Variants in ANGPT2 observed in about 807,000 individuals in gnomAD.
The protein encoded by ANGPT2 is angiopoietin-2.
In ANGPT2, 28 loss-of-function variants were observed where a neutral mutation model predicts 62.9. That is an observed-to-expected ratio of 0.44 (90% confidence interval 0.33 to 0.61). ANGPT2 has a LOEUF of 0.61. Ranked by LOEUF, ANGPT2 falls within the 20% of genes least tolerant of loss-of-function variation. The pLI is 0.03. For synonymous variants in ANGPT2, 284 were observed against 207.8 expected (o/e 1.37, Z -3.15); for missense variants, 727 against 594.9 (o/e 1.22, Z -2.31).
chr8:6,538,397 G>A (rs1007624922), intron 1 of ANGPT2, among the ~76,000 whole-genome samples: 1 of 152,198 alleles, frequency 6.6e-6, no homozygotes, highest in African/African-American at 2.4e-5. Context: ...CGCTGTCAGA[G>A]TCAGGAATCC....
At chr8:6,529,164 A>T (rs1001400226) in intron 2 of ANGPT2, among the ~76,000 whole-genome samples, 9 of 152,202 alleles carry the variant, frequency 5.9e-5, no homozygotes, top group Non-Finnish European at 1.3e-4. Flanking sequence ...GAGAGCATCA[A>T]ACCGCTGGAC....
intron 1 of ANGPT2, among the ~76,000 whole-genome samples, chr8:6,541,532 A>T (rs1477894230): frequency 1.3e-5 from 2 of 152,196 alleles, no homozygotes; most frequent in Non-Finnish European, 2.9e-5. Flanking sequence ...AGGTTGCAGC[A>T]GCAGAGCGAA....
intron 1 of ANGPT2, among the ~76,000 whole-genome samples, chr8:6,536,295 A>T (rs1586459127): frequency 6.6e-6 from 1 of 152,102 alleles, no homozygotes; most frequent in South Asian, 2.1e-4. Context: ...CTGTGTCGGG[A>T]TCCCAGGCGC....
intron 1 of ANGPT2, among the ~76,000 whole-genome samples, chr8:6,544,127 T>G (rs1196977247): frequency 6.6e-6 from 1 of 152,232 alleles, no homozygotes; most frequent in African/African-American, 2.4e-5. Flanking sequence ...AAACATAACT[T>G]TTATCTTCAT....
In ANGPT2 at chr8:6,505,452, T is replaced by TAA. The variant is rs1563307226; in HGVS notation, c.1328-2192_1328-2191insTT. Among the ~76,000 whole-genome samples the TAA allele has an allele frequency of 1.6e-4, 12 of 74,340 alleles. 1 individual carries two copies. Among genetic ancestry groups the TAA allele is most frequent in the African/African-American group, 5.8e-4 (12 of 20,540 alleles). 48.8% of individuals were successfully genotyped at this position (74,340 alleles called of 152,430 possible). ...AATATATATATTCTTTATATACATA[T>TAA]AGAATATATATATTCTTTACATATA... On this transcript the variant is annotated intron_variant, in intron 8 of 8. Transcript: ENST00000629816.
chr8:6,541,637 G>A (rs964035188), intron 1 of ANGPT2, among the ~76,000 whole-genome samples: 1 of 152,126 alleles, frequency 6.6e-6, no homozygotes, highest in Non-Finnish European at 1.5e-5. Flanking sequence ...TAAATTCTCA[G>A]CTTAGAAGAT....
At chr8:6,515,618 C>A (rs1037094288) in intron 5 of ANGPT2, among the ~76,000 whole-genome samples, 2 of 152,104 alleles carry the variant, frequency 1.3e-5, no homozygotes, top group African/African-American at 2.4e-5. Flanking sequence ...AAATTAAAAA[C>A]CCCTGAAAAT....
chr8:6,524,454 G>A (rs1817960095), intron 3 of ANGPT2, among the ~76,000 whole-genome samples: 1 of 152,206 alleles, frequency 6.6e-6, no homozygotes, highest in Admixed American at 6.5e-5. Flanking sequence ...ACTGCTGTGA[G>A]TTATCTGAAG....
intron 1 of ANGPT2, among the ~76,000 whole-genome samples, chr8:6,535,690 G>C (rs1820357058): frequency 6.6e-6 from 1 of 152,168 alleles, no homozygotes; most frequent in Non-Finnish European, 1.5e-5. Flanking sequence ...ATTAATTGAA[G>C]TCTTTGGGAG....
intron 2 of ANGPT2, among the ~76,000 whole-genome samples, chr8:6,531,695 T>G (rs12674822): frequency 0.5 from 75,342 of 151,982 alleles, 19,862 homozygotes; most frequent in Non-Finnish European, 0.59. Context: ...GCCCAACCCT[T>G]TATATTATTT....
chr8:6,520,061 C>G (rs1586315651), intron 4 of ANGPT2, 70 bp from the exon 5 acceptor site: 2 of 1,557,256 alleles, frequency 1.3e-6, no homozygotes, highest in Non-Finnish European at 1.8e-6. Flanking sequence ...ATTTCAAGAG[C>G]CAATCATTTG....
intron 2 of ANGPT2, among the ~76,000 whole-genome samples, chr8:6,532,124 T>A (rs955260820): frequency 1.3e-5 from 2 of 152,190 alleles, no homozygotes; most frequent in African/African-American, 4.8e-5. Flanking sequence ...CACATGAAAT[T>A]TAACCTCAGT....
At chr8:6,536,766 C>G (rs1183544347) in intron 1 of ANGPT2, among the ~76,000 whole-genome samples, 3 of 152,164 alleles carry the variant, frequency 2.0e-5, no homozygotes, top group Non-Finnish European at 4.4e-5. Context: ...ACAAAGCCAT[C>G]TGGCTCATCC....
intron 5 of ANGPT2, among the ~76,000 whole-genome samples, chr8:6,515,327 T>G (rs1202828169): frequency 6.6e-6 from 1 of 152,200 alleles, no homozygotes; most frequent in Non-Finnish European, 1.5e-5. Context: ...TGTGCAATAC[T>G]AATCAGATTT....
At chr8:6,514,360 T>G (rs1815806646) in intron 6 of ANGPT2, among the ~76,000 whole-genome samples, 1 of 152,130 alleles carries the variant, frequency 6.6e-6, no homozygotes, top group African/African-American at 2.4e-5. Flanking sequence ...TGGCTAATAT[T>G]TGTATTTTTA....
chr8:6,505,880 T>C (rs1813573115), intron 8 of ANGPT2, among the ~76,000 whole-genome samples: 1 of 126,844 alleles, frequency 7.9e-6, no homozygotes, highest in African/African-American at 3.2e-5. Flanking sequence ...ATATTCTTTA[T>C]ATATGTATAT....
Position 6,501,437 on chromosome 8 carries a change from C to T in ANGPT2, c.*1664G>A, listed in dbSNP as rs1436304236. ...TGCCTTTAAATTATAAAGCTTTACA[C>T]AAATGTTCATTAGTATTAATTGTAC... On this transcript the variant is annotated 3_prime_UTR_variant, in exon 9 of 9. Transcript: ENST00000629816. The T allele has an allele frequency of 2.0e-5, 3 of 151,786 alleles. No individual in the cohort carries two copies. The highest frequency in any genetic ancestry group is 1.9e-4 in the East Asian group (1 of 5,190). 9.4% of individuals were successfully genotyped at this position (151,786 alleles called of 1,614,324 possible). A position where few individuals can be genotyped will look rare whatever the true frequency, so the allele number is the denominator to read the frequency against.
chr8:6,499,927 C>T lies in ANGPT2; in HGVS notation c.*3174G>A, dbSNP rs577172057. The T allele has an allele frequency of 6.8e-6, 11 of 1,613,192 alleles. No individual in the cohort carries two copies. Among genetic ancestry groups the T allele is most frequent in the African/African-American group, 4.0e-5 (3 of 74,914 alleles). Reference sequence around the variant, plus strand: ...ACTGTCTCACCACTTCCCTGCAGCTCCCGTAAGTCAGATGTTGTTTTACGA... The same window carrying T: ...ACTGTCTCACCACTTCCCTGCAGCTTCCGTAAGTCAGATGTTGTTTTACGA... On this transcript the variant is annotated 3_prime_UTR_variant, in exon 9 of 9. Transcript: ENST00000629816.
chr8:6,522,536 G>T (rs1185186017), intron 3 of ANGPT2, among the ~76,000 whole-genome samples: 1 of 152,144 alleles, frequency 6.6e-6, no homozygotes, highest in African/African-American at 2.4e-5. Flanking sequence ...CACTTTGGAA[G>T]GCTGAGGCAG....
Sources: allele counts gnomAD v4.1 joint callset (sites outside exome capture counted in the v4.1 genomes callset), GRCh38; gene constraint gnomAD v4.1.1; transcripts MANE v1.5; gene names NCBI Gene and HGNC (gene_info 2026-07-23, HGNC 2026-07-21).